GREM2: variants seen among roughly 807,000 people sequenced by gnomAD.
GREM2 encodes gremlin-2.
A neutral mutation model predicts 14.2 loss-of-function variants in GREM2; 11 were observed. The ratio of observed to expected loss-of-function variants is 0.78; its 90% confidence interval spans 0.49 to 1.28. GREM2 has a LOEUF of 1.28. Ranked by LOEUF, GREM2 falls within the 50% of genes most tolerant of loss-of-function variation. GREM2 has a pLI of 0.00. For missense variants in GREM2, 210 were observed against 218.5 expected (o/e 0.96, Z 0.24); for synonymous variants, 98 against 97.6 (o/e 1.00, Z -0.02).
chr1:240,538,652 A>G (rs914477706), intron 1 of GREM2, among the ~76,000 whole-genome samples: 13 of 152,086 alleles, frequency 8.5e-5, no homozygotes, highest in African/African-American at 3.1e-4. Context: ...CAGGAGGCGG[A>G]GGTTGCAGTG....
intron 1 of GREM2, among the ~76,000 whole-genome samples, chr1:240,522,238 A>G (rs1558148140): frequency 6.6e-6 from 1 of 152,210 alleles, no homozygotes; most frequent in East Asian, 1.9e-4. Flanking sequence ...CTGAAATGAA[A>G]GAGCAAATAT....
chr1:240,529,205 C>G (rs1678294822), intron 1 of GREM2, among the ~76,000 whole-genome samples: 2 of 140,376 alleles, frequency 1.4e-5, no homozygotes, highest in African/African-American at 2.6e-5. Flanking sequence ...CATCTTGTGC[C>G]TTCTTGATTG....
At chr1:240,501,976 A>AT (rs546087900) in intron 1 of GREM2, among the ~76,000 whole-genome samples, 11 of 150,692 alleles carry the variant, frequency 7.3e-5, no homozygotes, top group African/African-American at 1.7e-4. Flanking sequence ...GTACCTAAAT[A>AT]TTTTTTTTTT....
chr1:240,568,557 A>C (rs1293174515), intron 1 of GREM2, among the ~76,000 whole-genome samples: 1 of 152,202 alleles, frequency 6.6e-6, no homozygotes, highest in African/African-American at 2.4e-5. Flanking sequence ...GATTAAAAAA[A>C]GTATATGCCA....
At chr1:240,549,336 C>CAAAAAAA (rs55943785) in intron 1 of GREM2, among the ~76,000 whole-genome samples, 1 of 126,168 alleles carries the variant, frequency 7.9e-6, no homozygotes. Context: ...AACTCCATCT[C>CAAAAAAA]AAAAAAAAAA....
At chr1:240,525,185 C>A (rs1678194119) in intron 1 of GREM2, among the ~76,000 whole-genome samples, 1 of 152,172 alleles carries the variant, frequency 6.6e-6, no homozygotes, top group African/African-American at 2.4e-5. Context: ...ACTTACTGCG[C>A]AAGAAATGTC....
Position 240,589,445 on chromosome 1 carries a change from GA to G in GREM2, c.-2+22438del, listed in dbSNP as rs549844568. Among the ~76,000 whole-genome samples the G allele has an allele frequency of 7.3e-3, 834 of 115,018 alleles. 3 individuals carry two copies. Among genetic ancestry groups the G allele is most frequent in the Middle Eastern group, 0.017 (4 of 240 alleles). 75.5% of individuals were successfully genotyped at this position (115,018 alleles called of 152,430 possible). On this transcript the variant is annotated intron_variant, in intron 1 of 1. Coordinates refer to ENST00000318160, the MANE Select transcript of GREM2 (RefSeq NM_022469.4). ...AGCGAAACTCCATCTCAGAAAAAAA[GA>G]AAAAAAAAAGAAAAAAAAGAAAAGA...
At chr1:240,594,194 T>A (rs1374805928) in intron 1 of GREM2, among the ~76,000 whole-genome samples, 1 of 152,086 alleles carries the variant, frequency 6.6e-6, no homozygotes, top group African/African-American at 2.4e-5. Flanking sequence ...GCTCAAGTGA[T>A]CCTCCTGCCT....
At chr1:240,526,844 T>C (rs1156929541) in intron 1 of GREM2, among the ~76,000 whole-genome samples, 1 of 152,212 alleles carries the variant, frequency 6.6e-6, no homozygotes, top group Non-Finnish European at 1.5e-5. Context: ...GGTTAAAAAT[T>C]GCATTTCTAA....
intron 1 of GREM2, among the ~76,000 whole-genome samples, chr1:240,497,191 T>A (rs1388282770): frequency 7.9e-5 from 12 of 152,216 alleles, no homozygotes; most frequent in Admixed American, 7.9e-4. Flanking sequence ...GACATCTGAA[T>A]CACCTGTGGT....
chr1:240,501,137 TA>T (rs1677561752), intron 1 of GREM2, among the ~76,000 whole-genome samples: 1 of 152,154 alleles, frequency 6.6e-6, no homozygotes, highest in African/African-American at 2.4e-5. Flanking sequence ...TGACTGAAAA[TA>T]AATGATTACA....
intron 1 of GREM2, among the ~76,000 whole-genome samples, chr1:240,515,525 T>C (rs937582025): frequency 6.6e-6 from 1 of 152,184 alleles, no homozygotes; most frequent in Non-Finnish European, 1.5e-5. Context: ...ACTTTTATTA[T>C]TTTTCCTCAT....
intron 1 of GREM2, among the ~76,000 whole-genome samples, chr1:240,592,778 C>T (rs1053152652): frequency 2.0e-5 from 3 of 152,128 alleles, no homozygotes; most frequent in Admixed American, 1.3e-4. Context: ...ATGCACTGGC[C>T]TGTGAGGCTT....
At chr1:240,518,765 T>C (rs572764559) in intron 1 of GREM2, among the ~76,000 whole-genome samples, 1 of 152,346 alleles carries the variant, frequency 6.6e-6, no homozygotes, top group Non-Finnish European at 1.5e-5. Context: ...ATGCCATTGG[T>C]CAAAAGAGGC....
intron 1 of GREM2, among the ~76,000 whole-genome samples, chr1:240,526,598 T>C (rs1678227365): frequency 6.6e-6 from 1 of 152,190 alleles, no homozygotes; most frequent in African/African-American, 2.4e-5. Context: ...AGTACTTTGA[T>C]TTAAATATTC....
At chr1:240,601,705 G>A (rs992339537) in intron 1 of GREM2, among the ~76,000 whole-genome samples, 3 of 152,078 alleles carry the variant, frequency 2.0e-5, no homozygotes, top group African/African-American at 7.2e-5. Context: ...TCAGGAGTTC[G>A]AGACCAGCCT....
intron 1 of GREM2, among the ~76,000 whole-genome samples, chr1:240,565,214 C>T (rs1679153548): frequency 1.3e-5 from 2 of 152,140 alleles, no homozygotes; most frequent in African/African-American, 2.4e-5. Flanking sequence ...ATCATTATTA[C>T]ACCTTTTCTT....
intron 1 of GREM2, among the ~76,000 whole-genome samples, chr1:240,562,836 GTA>G (rs1352950625): frequency 1.1e-4 from 16 of 150,606 alleles, no homozygotes; most frequent in Middle Eastern, 3.5e-3. Context: ...GTGAGTGTGT[GTA>G]TATGAGTGTG....
intron 1 of GREM2, among the ~76,000 whole-genome samples, chr1:240,548,361 T>C (rs1678779485): frequency 6.6e-6 from 1 of 152,072 alleles, no homozygotes; most frequent in Non-Finnish European, 1.5e-5. Context: ...GACTCTAAAA[T>C]TTTCTTCTTA....
Sources: gnomAD v4.1 joint callset for allele counts (sites outside exome capture counted in the v4.1 genomes callset) on GRCh38, gnomAD v4.1.1 for gene constraint, MANE v1.5 for transcripts, NCBI Gene and HGNC (gene_info 2026-07-23, HGNC 2026-07-21) for gene names.